Variants in BBX observed in about 807,000 individuals in gnomAD.
BBX encodes HMG box transcription factor BBX.
In BBX, 30 loss-of-function variants were observed where a neutral mutation model predicts 100.2. That is an observed-to-expected ratio of 0.30 (90% confidence interval 0.22 to 0.41). BBX has a LOEUF of 0.41. Among genes scored for constraint, BBX ranks in the 10% least tolerant of loss-of-function variants. The pLI, the probability that BBX is intolerant of heterozygous loss-of-function variation, is 1.00. For missense variants in BBX, 1,023 were observed against 1,129.8 expected (o/e 0.91, Z 1.35); for synonymous variants, 376 against 388.1 (o/e 0.97, Z 0.37).
At chr3:107,543,203 C>G (rs1307786224) in intron 2 of BBX, among the ~76,000 whole-genome samples, 1 of 152,078 alleles carries the variant, frequency 6.6e-6, no homozygotes, top group Non-Finnish European at 1.5e-5. Flanking sequence ...GATCTTGGAG[C>G]ATTATAATCT....
At chr3:107,708,621 C>A (rs2061525836) in intron 3 of BBX, among the ~76,000 whole-genome samples, 1 of 148,006 alleles carries the variant, frequency 6.8e-6, no homozygotes, top group Non-Finnish European at 1.5e-5. Flanking sequence ...TTGCAGTGAG[C>A]TGAGATCGCA....
chr3:107,747,161 A>G (rs1261532482), intron 8 of BBX, among the ~76,000 whole-genome samples: 1 of 152,194 alleles, frequency 6.6e-6, no homozygotes, highest in African/African-American at 2.4e-5. Context: ...TGGAAACAAA[A>G]GGTCCCCTAG....
intron 2 of BBX, among the ~76,000 whole-genome samples, chr3:107,618,191 A>G (rs1422801913): frequency 6.6e-6 from 1 of 151,914 alleles, no homozygotes; most frequent in Admixed American, 6.6e-5. Flanking sequence ...ATTTTTGAAT[A>G]TGGACTCATC....
Position 107,742,074 on chromosome 3 carries a change from A to G in BBX, c.670-2556A>G, listed in dbSNP as rs1289772108. On this transcript the variant is annotated intron_variant, in intron 7 of 17. Coordinates refer to ENST00000325805, the MANE Select transcript of BBX (RefSeq NM_001142568.3). ...CACACAGATTTCTGCCTTCTTAATA[A>G]ATGATATATTTTACAATTTTTCTTA... 2.0e-5 allele frequency among the ~76,000 whole-genome samples: 3 copies of G among 152,244 alleles called. No homozygotes were observed. The East Asian group carries it at 5.8e-4, about 29-fold the overall frequency.
Position 107,675,870 on chromosome 3 carries a change from A to G in BBX, c.-10+29961A>G, listed in dbSNP as rs2059256262. On this transcript the variant is annotated intron_variant, in intron 3 of 17. Transcript: ENST00000325805. ...TCCAGGGGCTGGATTTGCAGTCCCTATCAAGTCTATATTGAAGGGTTTCAT... is the reference window on the plus strand; with the variant it reads ...TCCAGGGGCTGGATTTGCAGTCCCTGTCAAGTCTATATTGAAGGGTTTCAT... Among the ~76,000 whole-genome samples the G allele has an allele frequency of 2.6e-5, 4 of 152,140 alleles. No individual in the cohort carries two copies. The South Asian group carries it at 8.3e-4, about 31-fold the overall frequency.
At chr3:107,700,834 C>G (rs935252078) in intron 3 of BBX, among the ~76,000 whole-genome samples, 1 of 151,682 alleles carries the variant, frequency 6.6e-6, no homozygotes, top group Non-Finnish European at 1.5e-5. Context: ...TTAATCCAGT[C>G]GATCATTGTT....
At chr3:107,680,928 G>A (rs145417624) in intron 3 of BBX, among the ~76,000 whole-genome samples, 2 of 152,246 alleles carry the variant, frequency 1.3e-5, no homozygotes, top group Non-Finnish European at 2.9e-5. Flanking sequence ...GCCTAAACTT[G>A]CAGAAGTAGT....
intron 3 of BBX, among the ~76,000 whole-genome samples, chr3:107,700,099 G>C (rs1261836650): frequency 6.6e-6 from 1 of 151,906 alleles, no homozygotes; most frequent in Non-Finnish European, 1.5e-5. Flanking sequence ...AAAGAAAGAG[G>C]ACTAGCTAAA....
intron 13 of BBX, among the ~76,000 whole-genome samples, chr3:107,787,185 A>G (rs2068517149): frequency 1.3e-5 from 2 of 152,146 alleles, no homozygotes; most frequent in South Asian, 4.1e-4. Flanking sequence ...CCTAAGCTTT[A>G]TTATTTCCTT....
At chr3:107,590,929 G>T (rs971932615) in intron 2 of BBX, among the ~76,000 whole-genome samples, 10 of 152,236 alleles carry the variant, frequency 6.6e-5, no homozygotes, top group African/African-American at 2.2e-4. Context: ...CAAGTTGCAT[G>T]TGGTCCCAGT....
At position 107,773,659 on chromosome 3, in the gene BBX, A is replaced by G. The variant is rs1371540387; in HGVS notation, c.1915+23A>G. 2.6e-5 allele frequency: 40 copies of G among 1,563,286 alleles called. No individual in the cohort carries two copies. Among genetic ancestry groups the G allele is most frequent in the Non-Finnish European group, 3.4e-5 (39 of 1,160,082 alleles). ...GAGGTAAGTAACTTCTACAAACCTG[A>G]AAAGAATTCAAAAACCAAACAGAAT... is the stretch of plus-strand genomic sequence containing the variant. On this transcript the variant is annotated intron_variant, in intron 11 of 17. Coordinates refer to ENST00000325805, the MANE Select transcript of BBX (RefSeq NM_001142568.3). This position sits in a 1 kb window ranked among gnomAD's most constrained non-coding sequence, Gnocchi z 4.1.
chr3:107,720,939 G>A (rs912881946), intron 5 of BBX, among the ~76,000 whole-genome samples: 1 of 151,920 alleles, frequency 6.6e-6, no homozygotes, highest in Non-Finnish European at 1.5e-5. Context: ...GTTATAATCT[G>A]GAGAACTTTT....
chr3:107,569,488 G>T (rs2051180511), intron 2 of BBX, among the ~76,000 whole-genome samples: 1 of 152,064 alleles, frequency 6.6e-6, no homozygotes, highest in South Asian at 2.1e-4. Flanking sequence ...GGGAGATAGG[G>T]GTGGGGCCGT....
intron 17 of BBX, among the ~76,000 whole-genome samples, chr3:107,803,876 T>C (rs2070789768): frequency 6.6e-6 from 1 of 152,108 alleles, no homozygotes. Context: ...CTTTTTCCAT[T>C]GATTTAGCTG....
intron 15 of BBX, among the ~76,000 whole-genome samples, chr3:107,793,572 T>C (rs537061204): frequency 2.0e-5 from 3 of 152,302 alleles, no homozygotes; most frequent in African/African-American, 7.2e-5. Context: ...ATCCTCTCTC[T>C]CGTCTATGAC....
chr3:107,679,988 A>G (rs1275237296), intron 3 of BBX, among the ~76,000 whole-genome samples: 1 of 152,194 alleles, frequency 6.6e-6, no homozygotes, highest in African/African-American at 2.4e-5. Flanking sequence ...AGCTTCAGTA[A>G]GAAAGCAGGG....
intron 2 of BBX, among the ~76,000 whole-genome samples, chr3:107,559,037 T>A (rs1358885379): frequency 1.3e-5 from 2 of 152,202 alleles, no homozygotes; most frequent in Non-Finnish European, 2.9e-5. Context: ...CATAGTGGCA[T>A]GCAAATGTGG....
At chr3:107,685,635 G>GT (rs1319886250) in intron 3 of BBX, among the ~76,000 whole-genome samples, 4 of 152,202 alleles carry the variant, frequency 2.6e-5, no homozygotes, top group Admixed American at 1.3e-4. Context: ...GCTATCTGCT[G>GT]TAAGTAATGC....
At chr3:107,730,050 G>A (rs541788936) in intron 6 of BBX, among the ~76,000 whole-genome samples, 24 of 152,230 alleles carry the variant, frequency 1.6e-4, no homozygotes, top group Middle Eastern at 3.4e-3. Context: ...CCTCACGACT[G>A]CACTCCATCC....
Sources: allele counts gnomAD v4.1 joint callset (sites outside exome capture counted in the v4.1 genomes callset), GRCh38; gene constraint gnomAD v4.1.1; non-coding constraint Gnocchi (gnomAD v3.1); transcripts MANE v1.5; gene names NCBI Gene and HGNC (gene_info 2026-07-23, HGNC 2026-07-21).